CNOT10: variants seen among roughly 807,000 people sequenced by gnomAD.
CNOT10 encodes CCR4-NOT transcription complex subunit 10.
CNOT10 carries 30 observed loss-of-function variants against 94.6 expected under a neutral mutation model. The observed-to-expected ratio is 0.32, with a 90% CI of 0.24 to 0.43. The LOEUF is 0.43. Ranked by LOEUF, CNOT10 falls within the 20% of genes least tolerant of loss-of-function variation. CNOT10 has a pLI of 1.00. For missense variants in CNOT10, 759 were observed against 877.2 expected (o/e 0.87, Z 1.70); for synonymous variants, 289 against 301.6 (o/e 0.96, Z 0.43).
chr3:32,720,949 T>TTCCCTTCCC (rs1479058289), intron 8 of CNOT10, among the ~76,000 whole-genome samples: 3 of 139,024 alleles, frequency 2.2e-5, no homozygotes, highest in African/African-American at 8.1e-5. Flanking sequence ...CTTCCCTTCC[T>TTCCCTTCCC]TCCCTTCCCT....
intron 2 of CNOT10, 112 bp from the exon 3 acceptor site, chr3:32,704,699 T>C: frequency 8.1e-7 from 1 of 1,230,644 alleles, no homozygotes; most frequent in Non-Finnish European, 1.1e-6. Context: ...AACTACATCT[T>C]TCTTTTTAAG....
At chr3:32,727,933 T>TAAAA in intron 10 of CNOT10, 63 bp downstream of exon 10, 7 of 771,706 alleles carry the variant, frequency 9.1e-6, no homozygotes, top group East Asian at 3.1e-5. Context: ...ATGGAATGGT[T>TAAAA]AAAAAAAAAA....
chr3:32,713,462 TATG>T, intron 5 of CNOT10, 93 bp downstream of exon 5: 5 of 993,238 alleles, frequency 5.0e-6, no homozygotes, highest in South Asian at 1.6e-5. Flanking sequence ...GCAATTAAAA[TATG>T]ATTAATGTTT....
intron 13 of CNOT10, among the ~76,000 whole-genome samples, chr3:32,755,920 GTC>G (rs1473678599): frequency 6.6e-6 from 1 of 152,104 alleles, no homozygotes; most frequent in Non-Finnish European, 1.5e-5. Context: ...AGTTCTTCCA[GTC>G]TGATGAACTG....
intron 13 of CNOT10, among the ~76,000 whole-genome samples, chr3:32,743,942 A>G (rs1362850083): frequency 6.6e-6 from 1 of 152,160 alleles, no homozygotes; most frequent in Non-Finnish European, 1.5e-5. Context: ...TCTGTAGTAT[A>G]TATATATTTT....
At chr3:32,718,293 CAT>C (rs1698214942) in intron 7 of CNOT10, among the ~76,000 whole-genome samples, 1 of 119,682 alleles carries the variant, frequency 8.4e-6, no homozygotes, top group East Asian at 2.5e-4. Context: ...TGATAAAAGA[CAT>C]AATTCCTAGC....
At chr3:32,730,255 A>G (rs1349695182) in intron 10 of CNOT10, among the ~76,000 whole-genome samples, 1 of 152,124 alleles carries the variant, frequency 6.6e-6, no homozygotes, top group Non-Finnish European at 1.5e-5. Flanking sequence ...TGGTTTTAGA[A>G]ATAGTACTTT....
At chr3:32,754,485 A>ATAT (rs1415191433) in intron 13 of CNOT10, among the ~76,000 whole-genome samples, 8,786 of 47,480 alleles carry the variant, frequency 0.19, 1,087 homozygotes, top group Non-Finnish European at 0.24. Context: ...TCAAAAAAAA[A>ATAT]AAAAATACAT....
In CNOT10 at chr3:32,741,756, G is replaced by A. The variant is rs1363431390; in HGVS notation, c.1595+4266G>A. Among the ~76,000 whole-genome samples the A allele has an allele frequency of 2.8e-4, 39 of 138,420 alleles. No individual in the cohort carries two copies. In the East Asian group the frequency reaches 3.3e-3, roughly 12 times the overall value. The allele number at this position is 138,420 out of a possible 152,430, so 90.8% of individuals were successfully genotyped here. On this transcript the variant is annotated intron_variant, in intron 13 of 18. Coordinates refer to ENST00000328834, the MANE Select transcript of CNOT10 (RefSeq NM_015442.3). ...TGCCCCCCAGCCTGGGCGACAGAGC[G>A]AGACTCCGTCTCAAAAAAAAAAAAA...
At chr3:32,710,147 CAAAAAAAAAAAA>C (rs68126514) in intron 4 of CNOT10, among the ~76,000 whole-genome samples, 2 of 70,660 alleles carry the variant, frequency 2.8e-5, no homozygotes, top group Non-Finnish European at 5.8e-5. Flanking sequence ...AACTTGCTCT[CAAAAAAAAAAAA>C]AAAAAAAAAA....
chr3:32,727,780 C>T lies in CNOT10; in HGVS notation c.1125C>T (p.Phe375=), dbSNP rs748817667. 1.6e-5 allele frequency: 26 copies of T among 1,613,894 alleles called. No homozygotes were observed. In the African/African-American group the frequency reaches 2.1e-4, roughly 13 times the overall value. ...ACATTGGAAGGCCTCTTGCTGCCTTCGAATGTCTGATTGAAGCTGTTCAGG... is the reference window on the plus strand; with the variant it reads ...ACATTGGAAGGCCTCTTGCTGCCTTTGAATGTCTGATTGAAGCTGTTCAGG... ...LLHIGRPLAA[F]ECLIEAVQVY... The change falls in exon 10 of 19, where the codon TTC becomes TTT. Residue 375 remains phenylalanine (F), a synonymous_variant. Coordinates refer to ENST00000328834, the MANE Select transcript of CNOT10 (RefSeq NM_015442.3).
chr3:32,747,327 G>A (rs939024643), intron 13 of CNOT10, among the ~76,000 whole-genome samples: 1 of 152,072 alleles, frequency 6.6e-6, no homozygotes, highest in Non-Finnish European at 1.5e-5. Context: ...TGAAGCAGGA[G>A]AATCGCTTGA....
At chr3:32,755,060 A>G (rs1331240851) in intron 13 of CNOT10, among the ~76,000 whole-genome samples, 1 of 151,210 alleles carries the variant, frequency 6.6e-6, no homozygotes, top group African/African-American at 2.4e-5. Context: ...CAGCCTGGCC[A>G]ATATGGTGAA....
chr3:32,720,303 C>A, intron 8 of CNOT10, 72 bp downstream of exon 8: 1 of 634,732 alleles, frequency 1.6e-6, no homozygotes, highest in Non-Finnish European at 2.9e-6. Context: ...GTCCACCTCC[C>A]AACACCCAGT....
intron 13 of CNOT10, among the ~76,000 whole-genome samples, chr3:32,750,138 A>G (rs1699896618): frequency 6.7e-6 from 1 of 149,756 alleles, no homozygotes; most frequent in Non-Finnish European, 1.5e-5. Flanking sequence ...TTGGGCCCAG[A>G]AGATAGAGGC....
At chr3:32,769,032 G>A (rs1175319958) in intron 17 of CNOT10, 6 of 152,204 alleles carry the variant, frequency 3.9e-5, no homozygotes, top group Non-Finnish European at 8.8e-5. Flanking sequence ...TTACGTAACT[G>A]TGTTTGGATT....
rs1015217397 is a variant in CNOT10 at position 32,704,662 on chromosome 3, A to G, written c.118-149A>G. Reference sequence around the variant, plus strand: ...GTTTAACTGACATGAATGTTGCTTTAGTGACTTTGATTAGTATATGTAGGG... The same window carrying G: ...GTTTAACTGACATGAATGTTGCTTTGGTGACTTTGATTAGTATATGTAGGG... On this transcript the variant is annotated intron_variant, in intron 2 of 18. Transcript: ENST00000328834. The G allele has an allele frequency of 1.1e-5, 9 of 796,736 alleles. No homozygotes were observed. The Admixed American group carries it at 3.4e-4, about 30-fold the overall frequency. 49.4% of individuals were successfully genotyped at this position (796,736 alleles called of 1,614,324 possible).
chr3:32,712,371 G>A (rs967719612), intron 4 of CNOT10, among the ~76,000 whole-genome samples: 3 of 152,168 alleles, frequency 2.0e-5, no homozygotes, highest in African/African-American at 7.2e-5. Flanking sequence ...CTAGTTAGTG[G>A]CTGAATAGGT....
At chr3:32,708,353 CT>C (rs764042660) in intron 3 of CNOT10, among the ~76,000 whole-genome samples, 2 of 152,140 alleles carry the variant, frequency 1.3e-5, no homozygotes, top group Non-Finnish European at 2.9e-5. Context: ...GGGAATCCTA[CT>C]CAGAAGTGGT....
Sources: allele counts gnomAD v4.1 joint callset (sites outside exome capture counted in the v4.1 genomes callset), GRCh38; gene constraint gnomAD v4.1.1; transcripts MANE v1.5; gene names NCBI Gene and HGNC (gene_info 2026-07-23, HGNC 2026-07-21).